The following SF1 variants were observed in gnomAD, a reference collection of about 807,000 sequenced individuals.
SF1 encodes the protein branch point-binding protein.
In SF1, 7 loss-of-function variants were observed where a neutral mutation model predicts 62.5. The ratio of observed to expected loss-of-function variants is 0.11; its 90% CI spans 0.06 to 0.21. The LOEUF (loss-of-function observed/expected upper bound fraction) is 0.21. SF1 is among the 10% of genes least tolerant of loss of function. The pLI is 1.00. For missense variants in SF1, 578 were observed against 884.0 expected, an observed-to-expected ratio of 0.65 and a Z score of 4.39; for synonymous variants, 394 against 323.6, an observed-to-expected ratio of 1.22 and a Z score of -2.33.
chr11:64,772,723 AATTT>A lies in SF1; in HGVS notation c.236+703_236+706del, dbSNP rs779993682. 9.1e-4 allele frequency: 900 copies of A among 985,396 alleles called. 1 individual carries two copies. Among genetic ancestry groups the A allele is most frequent in the Non-Finnish European group, 1.0e-3 (863 of 829,906 alleles). The allele number at this position is 985,396 out of a possible 1,614,324, so 61.0% of individuals were successfully genotyped here. On this transcript the variant is annotated intron_variant, in intron 3 of 12. Coordinates refer to ENST00000377390, the MANE Select transcript of SF1 (RefSeq NM_004630.4). ...TTAAAAAAGTTCATCTCCCCCACAC[AATTT>A]ATTTTTCTGAGGTGAGAGAAACTGC...
intron 2 of SF1, 69 bp from the exon 3 acceptor site, chr11:64,773,574 A>C: frequency 4.9e-5 from 74 of 1,511,612 alleles, no homozygotes; most frequent in Non-Finnish European, 6.1e-5. Flanking sequence ...TAAACATCTC[A>C]AATCTCAACA....
At position 64,765,334 on chromosome 11, in the gene SF1, A is replaced by G. The variant is rs1354473156; in HGVS notation, c.*484T>C. 7 of 709,778 alleles carry G rather than the reference A, an allele frequency of 9.9e-6. No individual in the cohort carries two copies. The East Asian group carries it at 1.9e-4, about 19-fold the overall frequency. 44.0% of individuals were successfully genotyped at this position (709,778 alleles called of 1,614,324 possible). On this transcript the variant is annotated 3_prime_UTR_variant, in exon 13 of 13. Coordinates refer to ENST00000377390, the MANE Select transcript of SF1 (RefSeq NM_004630.4). ...TAACAAAGGAAAAAGAAAAAAATTAATAAAAATTTCACGATATGGAGCCAG... is the reference window on the plus strand; with the variant it reads ...TAACAAAGGAAAAAGAAAAAAATTAGTAAAAATTTCACGATATGGAGCCAG...
chr11:64,774,297 T>G (rs1377701093), intron 2 of SF1, among the ~76,000 whole-genome samples: 2 of 152,248 alleles, frequency 1.3e-5, no homozygotes, highest in Non-Finnish European at 2.9e-5. Context: ...GACAATGTAC[T>G]TGGCCCTCGG....
Position 64,769,341 on chromosome 11 carries a change from A to T in SF1, c.664-3T>A, listed in dbSNP as rs758362181. ...CCCTGCTTCAGGATGTTTCTTATCT[A>T]GTGAAAATGCAATGGACAGTTAAGT... is the stretch of plus-strand genomic sequence containing the variant. On this transcript the variant is annotated splice_polypyrimidine_tract_variant and splice_region_variant and intron_variant, in intron 6 of 12. Coordinates refer to ENST00000377390, the MANE Select transcript of SF1 (RefSeq NM_004630.4). The T allele has an allele frequency of 3.7e-6, 6 of 1,613,926 alleles. No individual in the cohort carries two copies. In the African/African-American group the frequency reaches 8.0e-5, roughly 22 times the overall value.
rs892417088 is a variant in SF1 at position 64,768,934 on chromosome 11, G to T, written c.887+88C>A. The T allele has an allele frequency of 4.5e-6, 4 of 885,678 alleles. No homozygotes were observed. In the African/African-American group the frequency reaches 6.6e-5, roughly 15 times the overall value. The allele number at this position is 885,678 out of a possible 1,614,324, so 54.9% of individuals were successfully genotyped here. On this transcript the variant is annotated intron_variant, in intron 8 of 12. Transcript: ENST00000377390. ...ACTAACAGAAAGGATGTTTCTCTTG[G>T]TAAGATTAACAGCAACCAATGAATG...
At chr11:64,771,677 A>G (rs1938341646) in intron 3 of SF1, 10 of 985,480 alleles carry the variant, frequency 1.0e-5, no homozygotes, top group Non-Finnish European at 1.2e-5. Flanking sequence ...AGAGTGAACA[A>G]AAGCAAACAT....
rs764352170 is a variant in SF1, at chr11:64,769,356, GAC to G, written c.664-20_664-19del. The G allele has an allele frequency of 6.2e-7, 1 of 1,613,664 alleles. No homozygotes were observed. Among genetic ancestry groups the G allele is most frequent in the Non-Finnish European group, 8.5e-7 (1 of 1,179,554 alleles). ...TTTCTTATCTAGTGAAAATGCAATG[GAC>G]AGTTAAGTGCTTAGGGCCTCCACCT... On this transcript the variant is annotated intron_variant, in intron 6 of 12. Coordinates refer to ENST00000377390, the MANE Select transcript of SF1 (RefSeq NM_004630.4).
At chr11:64,776,372 A>G (rs1159822688) in intron 2 of SF1, 126 bp downstream of exon 2, 6 of 1,034,702 alleles carry the variant, frequency 5.8e-6, no homozygotes, top group Non-Finnish European at 7.4e-6. Context: ...AGATGATACC[A>G]AAGTCGTGAA....
At position 64,778,445 on chromosome 11, in the gene SF1, C is replaced by G; in HGVS notation, c.-53G>C. The G allele has an allele frequency of 2.5e-6, 3 of 1,217,390 alleles. No individual in the cohort carries two copies. Among genetic ancestry groups the G allele is most frequent in the Non-Finnish European group, 3.1e-6 (3 of 977,562 alleles). The allele number at this position is 1,217,390 out of a possible 1,614,324, so 75.4% of individuals were successfully genotyped here. A position where few individuals can be genotyped will look rare whatever the true frequency, so the allele number is the denominator to read the frequency against. ...CTGCTTTTCCTCTGCGGCGGCTTCT[C>G]CTTCGCAAGCCTCCCGGGGGGAGGG... On this transcript the variant is annotated 5_prime_UTR_variant, in exon 1 of 13. Coordinates refer to ENST00000377390, the MANE Select transcript of SF1 (RefSeq NM_004630.4).
At position 64,765,389 on chromosome 11, in the gene SF1, TC is replaced by T; in HGVS notation, c.*428del. ...TTCCGATTCCGTCCACAAAAATAAC[TC>T]AGGCTGCTTTGCCGAACCATCCTGT... is the stretch of plus-strand genomic sequence containing the variant. On this transcript the variant is annotated 3_prime_UTR_variant, in exon 13 of 13. Coordinates refer to ENST00000377390, the MANE Select transcript of SF1 (RefSeq NM_004630.4). 1 of 1,178,898 alleles carries T rather than the reference TC, an allele frequency of 8.5e-7. No individual in the cohort carries two copies. Among genetic ancestry groups the T allele is most frequent in the Non-Finnish European group, 1.3e-6 (1 of 793,814 alleles). 73.0% of individuals were successfully genotyped at this position (1,178,898 alleles called of 1,614,324 possible). A position where few individuals can be genotyped will look rare whatever the true frequency, so the allele number is the denominator to read the frequency against.
intron 3 of SF1, chr11:64,773,211 T>G: frequency 7.4e-7 from 1 of 1,358,368 alleles, no homozygotes; most frequent in South Asian, 1.7e-5. Context: ...TCCATTTTCC[T>G]GTAACTTTTT....
At position 64,767,048 on chromosome 11, in the gene SF1, C is replaced by T; in HGVS notation, c.1434G>A (p.Met478Ile). 6.4e-7 allele frequency: 1 copy of T among 1,563,856 alleles called. No homozygotes were observed. Among genetic ancestry groups the T allele is most frequent in the Non-Finnish European group, 8.7e-7 (1 of 1,152,862 alleles). Residue 478 changes from methionine to isoleucine, a missense_variant, in exon 12 of 13, where the codon ATG becomes ATA. Coordinates refer to ENST00000377390, the MANE Select transcript of SF1 (RefSeq NM_004630.4). ...GMMPPPPMGMMPPPPPPPSGQ... is the reference protein window; with the variant it reads ...GMMPPPPMGMIPPPPPPPSGQ... ...CACTGGGAGGCGGCGGCGGCGGCGG[C>T]ATCATGCCCATAGGTGGTGGCGGCA...
chr11:64,774,016 C>T (rs1273846810), intron 2 of SF1, among the ~76,000 whole-genome samples: 1 of 152,170 alleles, frequency 6.6e-6, no homozygotes, highest in Non-Finnish European at 1.5e-5. Flanking sequence ...TTCATTAATA[C>T]ATTTAAAATT....
Position 64,778,004 on chromosome 11 carries a change from G to A in SF1, c.31+358C>T, listed in dbSNP as rs934806813. Reference sequence around the variant, plus strand: ...CGACTCACCTCCTCCGCCGCCGGCCGGGCCCGGCTGCTGGTCCTTACGCGG... The same window carrying A: ...CGACTCACCTCCTCCGCCGCCGGCCAGGCCCGGCTGCTGGTCCTTACGCGG... On this transcript the variant is annotated intron_variant, in intron 1 of 12. Coordinates refer to ENST00000377390, the MANE Select transcript of SF1 (RefSeq NM_004630.4). The A allele has an allele frequency of 2.2e-5, 22 of 999,154 alleles. No homozygotes were observed. The highest frequency in any genetic ancestry group is 1.1e-4 in the East Asian group (1 of 9,512). The allele number at this position is 999,154 out of a possible 1,614,324, so 61.9% of individuals were successfully genotyped here. A position where few individuals can be genotyped will look rare whatever the true frequency, so the allele number is the denominator to read the frequency against.
intron 3 of SF1, chr11:64,770,656 G>A (rs1938175807): frequency 5.5e-6 from 2 of 363,452 alleles, no homozygotes; most frequent in Admixed American, 4.3e-5. Flanking sequence ...GAAGTGATGA[G>A]AGGAAAAAAT....
chr11:64,769,945 T>C lies in SF1; in HGVS notation c.479+19A>G, dbSNP rs763668471. On this transcript the variant is annotated intron_variant, in intron 5 of 12. Coordinates refer to ENST00000377390, the MANE Select transcript of SF1 (RefSeq NM_004630.4). ...GGCTCTAAAGGAATTCTATATCCTATAGACCAGCAGTTACTCACCTGGGCC... is the reference window on the plus strand; with the variant it reads ...GGCTCTAAAGGAATTCTATATCCTACAGACCAGCAGTTACTCACCTGGGCC... 8.9e-6 allele frequency: 14 copies of C among 1,581,140 alleles called. No individual in the cohort carries two copies. The South Asian group carries it at 1.4e-4, about 16-fold the overall frequency.
intron 1 of SF1, 45 bp from the exon 2 acceptor site, chr11:64,776,671 T>C (rs1425935957): frequency 3.1e-6 from 5 of 1,590,938 alleles, no homozygotes; most frequent in Non-Finnish European, 4.3e-6. Flanking sequence ...TACAAGTAGT[T>C]ATCAACAGAC....
chr11:64,776,293 G>A, intron 2 of SF1: 1 of 538,922 alleles, frequency 1.9e-6, no homozygotes, highest in Non-Finnish European at 3.3e-6. Flanking sequence ...TACTCATGGA[G>A]AACACTGCAG....
At chr11:64,766,272 T>G (rs2135878920) in intron 12 of SF1, 117 bp from the exon 13 acceptor site, 14 of 4,460 alleles carry the variant, frequency 3.1e-3, no homozygotes, top group South Asian at 0.024. Flanking sequence ...TGCGGTACGG[T>G]GGTGGGGGGC....
Sources: allele counts gnomAD v4.1 joint callset (sites outside exome capture counted in the v4.1 genomes callset), GRCh38; gene constraint gnomAD v4.1.1; transcripts MANE v1.5; gene names NCBI Gene and HGNC (gene_info 2026-07-23, HGNC 2026-07-21).